SCARB1: variants seen among roughly 807,000 people sequenced by gnomAD.
SCARB1 encodes the protein scavenger receptor class B member 1.
A neutral mutation model predicts 57.2 loss-of-function variants in SCARB1; 30 were observed. The observed-to-expected ratio is 0.52, with a 90% CI of 0.39 to 0.71. The LOEUF is 0.71. Ranked by LOEUF, SCARB1 falls within the 30% of genes least tolerant of loss-of-function variation. The pLI is 0.00. For synonymous variants in SCARB1, 249 were observed against 268.3 expected (o/e 0.93, Z 0.70); for missense variants, 543 against 671.2 (o/e 0.81, Z 2.11).
chr12:124,860,902 A>G (rs7139401), intron 1 of SCARB1, among the ~76,000 whole-genome samples: 74,348 of 151,968 alleles, frequency 0.49, 18,663 homozygotes, highest in Non-Finnish European at 0.53. Context: ...AAATTGCAAG[A>G]TAATTATACA....
rs1949901174 is a variant in SCARB1 at position 124,795,217 on chromosome 12, T to C, written c.1180A>G (p.Met394Val). The change falls in exon 9 of 13, where the codon ATG becomes GTG. Residue 394 changes from methionine to valine, a missense_variant. Met to Val is a conservative substitution (Grantham distance 21). Coordinates refer to ENST00000261693, the MANE Select transcript of SCARB1 (RefSeq NM_005505.5). Reference sequence around the variant, plus strand: ...CACCCAATGCCTGCGACAGATTTCATGTAGAGGCTCAGCTGCAGTTTCACA... The same window carrying C: ...CACCCAATGCCTGCGACAGATTTCACGTAGAGGCTCAGCTGCAGTTTCACA... ...CSVKLQLSLYMKSVAGIGQTG... is the reference protein window; with the variant it reads ...CSVKLQLSLYVKSVAGIGQTG... 4.3e-6 allele frequency: 7 copies of C among 1,613,882 alleles called. No homozygotes were observed. In the South Asian group the frequency reaches 4.4e-5, roughly 10 times the overall value.
chr12:124,786,767 C>T (rs1225966657), intron 10 of SCARB1, among the ~76,000 whole-genome samples: 1 of 152,242 alleles, frequency 6.6e-6, no homozygotes, highest in Non-Finnish European at 1.5e-5. Context: ...TCACGTGACT[C>T]TCCATCTCGT....
intron 7 of SCARB1, among the ~76,000 whole-genome samples, chr12:124,805,929 T>C (rs1281069867): frequency 2.6e-5 from 4 of 152,048 alleles, no homozygotes; most frequent in African/African-American, 4.8e-5. Flanking sequence ...CCTATGATGA[T>C]GGAAATGTTC....
intron 1 of SCARB1, among the ~76,000 whole-genome samples, chr12:124,836,151 G>A (rs1951638590): frequency 6.6e-6 from 1 of 152,216 alleles, no homozygotes; most frequent in Non-Finnish European, 1.5e-5. Flanking sequence ...GACTGAGCAG[G>A]AAGTGGGGAA....
At position 124,786,408 on chromosome 12, in the gene SCARB1, C is replaced by A. The variant is rs751892433; in HGVS notation, c.1350G>T (p.Ala450=). 3.7e-6 allele frequency: 6 copies of A among 1,614,014 alleles called. No homozygotes were observed. Among genetic ancestry groups the A allele is most frequent in the Non-Finnish European group, 5.1e-6 (6 of 1,180,022 alleles). The change falls in exon 11 of 13, where the codon GCG becomes GCT. Residue 450 remains alanine (A), a synonymous_variant. Transcript: ENST00000261693. ...VMHYAQYVLL[A]LGCVLLLVPV... is the part of the protein sequence containing the mutation. ...GGACCAGCAGCAGGACGCAGCCCAG[C>A]GCCAGGAGGACGTACTGGGCATAGT...
intron 1 of SCARB1, among the ~76,000 whole-genome samples, chr12:124,833,207 T>C (rs75746502): frequency 6.8e-6 from 1 of 147,452 alleles, no homozygotes; most frequent in African/African-American, 2.5e-5. Flanking sequence ...TTTTTTTTTT[T>C]TGAGACAGGG....
At chr12:124,835,229 C>G (rs113715727) in intron 1 of SCARB1, among the ~76,000 whole-genome samples, 9 of 151,822 alleles carry the variant, frequency 5.9e-5, no homozygotes, top group Admixed American at 2.6e-4. Flanking sequence ...GGGCCCGTGA[C>G]CATCGCACCG....
chr12:124,852,614 G>C (rs948466756), intron 1 of SCARB1, among the ~76,000 whole-genome samples: 5 of 152,224 alleles, frequency 3.3e-5, no homozygotes, highest in Non-Finnish European at 7.3e-5. Flanking sequence ...CCTGGACAAG[G>C]GTCTCCAACT....
Position 124,795,246 on chromosome 12 carries a change from C to T in SCARB1, c.1151G>A (p.Cys384Tyr). The change falls in exon 9 of 13, where the codon TGC becomes TAC. Residue 384 changes from cysteine (C) to tyrosine (Y), a missense_variant. Physicochemically the swap from Cys to Tyr is radical, Grantham distance 194. Coordinates refer to ENST00000261693, the MANE Select transcript of SCARB1 (RefSeq NM_005505.5). Reference sequence around the variant, plus strand: ...GAGGCTCAGCTGCAGTTTCACAGAGCAGTTCATGGGGATTCCCGTGACCTG... The same window carrying T: ...GAGGCTCAGCTGCAGTTTCACAGAGTAGTTCATGGGGATTCCCGTGACCTG... ...IHPVTGIPMN[C>Y]SVKLQLSLYM... is the part of the protein sequence containing the mutation. The T allele has an allele frequency of 6.2e-7, 1 of 1,613,966 alleles. No individual in the cohort carries two copies. The highest frequency in any genetic ancestry group is 8.5e-7 in the Non-Finnish European group (1 of 1,179,872).
chr12:124,802,708 C>T (rs891543097), intron 7 of SCARB1, among the ~76,000 whole-genome samples: 1 of 152,194 alleles, frequency 6.6e-6, no homozygotes, highest in African/African-American at 2.4e-5. Flanking sequence ...TAATTTGTAG[C>T]TTTATGGCAT....
chr12:124,802,615 G>C (rs1950173807), intron 7 of SCARB1, among the ~76,000 whole-genome samples: 2 of 152,204 alleles, frequency 1.3e-5, no homozygotes, highest in East Asian at 3.9e-4. Context: ...CAGAGGCCGA[G>C]CCTGCATGGA....
At chr12:124,850,760 A>C (rs1456127719) in intron 1 of SCARB1, among the ~76,000 whole-genome samples, 1 of 152,246 alleles carries the variant, frequency 6.6e-6, no homozygotes, top group Non-Finnish European at 1.5e-5. Flanking sequence ...GGTAAACAGA[A>C]TAGTCAGCCA....
At chr12:124,860,880 G>T (rs950686786) in intron 1 of SCARB1, among the ~76,000 whole-genome samples, 1 of 152,152 alleles carries the variant, frequency 6.6e-6, no homozygotes, top group Non-Finnish European at 1.5e-5. Flanking sequence ...TGGTATCTTT[G>T]AATTGAAAAA....
chr12:124,797,447 T>C (rs1032066285), intron 8 of SCARB1, among the ~76,000 whole-genome samples: 1 of 151,622 alleles, frequency 6.6e-6, no homozygotes, highest in Non-Finnish European at 1.5e-5. Context: ...CTGATCCCCC[T>C]CCCCAACGTG....
chr12:124,842,335 C>T (rs1174780666), intron 1 of SCARB1, among the ~76,000 whole-genome samples: 2 of 152,206 alleles, frequency 1.3e-5, no homozygotes, highest in Non-Finnish European at 2.9e-5. Context: ...GCCGAGAAAG[C>T]CCCAGGAAAG....
Position 124,815,131 on chromosome 12 carries a change from T to G in SCARB1, c.285-17A>C, listed in dbSNP as rs201629943. 8.4e-5 allele frequency: 136 copies of G among 1,612,356 alleles called. No homozygotes were observed. In the East Asian group the frequency reaches 2.5e-3, roughly 29 times the overall value. ...CTGAACTCCCTGTGGGGGAAGCCAG[T>G]GGGTCAGACGCCCCGCCCCGCTGCA... On this transcript the variant is annotated splice_polypyrimidine_tract_variant and intron_variant, in intron 2 of 12. Transcript: ENST00000261693.
At chr12:124,818,097 A>G (rs1433158658) in intron 1 of SCARB1, among the ~76,000 whole-genome samples, 1 of 152,146 alleles carries the variant, frequency 6.6e-6, no homozygotes, top group Non-Finnish European at 1.5e-5. Context: ...TCATTCATTC[A>G]TTCCACAAGC....
intron 8 of SCARB1, among the ~76,000 whole-genome samples, chr12:124,798,328 T>C (rs550225116): frequency 1.3e-5 from 2 of 151,898 alleles, no homozygotes; most frequent in East Asian, 3.9e-4. Flanking sequence ...GGAGAATTGC[T>C]TGAACCCAGG....
chr12:124,829,384 T>C (rs1951295433), intron 1 of SCARB1, among the ~76,000 whole-genome samples: 1 of 152,166 alleles, frequency 6.6e-6, no homozygotes, highest in South Asian at 2.1e-4. Context: ...GAATCCAAGT[T>C]ATCCTTTTAA....
Sources: allele counts gnomAD v4.1 joint callset (sites outside exome capture counted in the v4.1 genomes callset), GRCh38; gene constraint gnomAD v4.1.1; transcripts MANE v1.5; gene names NCBI Gene and HGNC (gene_info 2026-07-23, HGNC 2026-07-21).